FSTL5: variants seen among roughly 807,000 people sequenced by gnomAD.
FSTL5 encodes follistatin-related protein 5.
A neutral mutation model predicts 89.1 loss-of-function variants in FSTL5; 62 were observed. The ratio of observed to expected loss-of-function variants is 0.70; its 90% CI spans 0.57 to 0.86. FSTL5 has a LOEUF of 0.86. Ranked by LOEUF, FSTL5 falls within the 40% of genes least tolerant of loss-of-function variation. FSTL5 has a pLI of 0.00. For missense variants in FSTL5, 1,057 were observed against 1,001.6 expected (o/e 1.06, Z -0.75); for synonymous variants, 383 against 346.2 (o/e 1.11, Z -1.18).
intron 10 of FSTL5, among the ~76,000 whole-genome samples, chr4:161,521,934 T>C (rs1247093219): frequency 6.6e-6 from 1 of 152,012 alleles, no homozygotes; most frequent in Non-Finnish European, 1.5e-5. Flanking sequence ...TCTTGTCTTC[T>C]TTCTTTGAAA....
chr4:161,921,262 T>A (rs1466245716), intron 3 of FSTL5, among the ~76,000 whole-genome samples: 4 of 152,180 alleles, frequency 2.6e-5, no homozygotes, highest in African/African-American at 9.6e-5. Context: ...TTTTGACCTT[T>A]GCCACCTGAC....
At chr4:162,110,688 GTATT>G (rs1338092714) in intron 2 of FSTL5, among the ~76,000 whole-genome samples, 1 of 151,314 alleles carries the variant, frequency 6.6e-6, no homozygotes, top group Non-Finnish European at 1.5e-5. Context: ...TTTATTATAA[GTATT>G]TAATGTTTAT....
intron 3 of FSTL5, among the ~76,000 whole-genome samples, chr4:161,969,985 G>T (rs998185998): frequency 2.0e-5 from 3 of 152,196 alleles, no homozygotes. Context: ...AGCTAAAGAG[G>T]TTGGTGAGGA....
intron 2 of FSTL5, among the ~76,000 whole-genome samples, chr4:162,097,129 T>C (rs1189213088): frequency 6.6e-6 from 1 of 151,870 alleles, no homozygotes; most frequent in Non-Finnish European, 1.5e-5. Flanking sequence ...TCATTTCTAG[T>C]TTGTGTATAT....
chr4:161,744,202 C>T lies in FSTL5; in HGVS notation c.727+15209G>A, dbSNP rs948358381. 6.6e-5 allele frequency among the ~76,000 whole-genome samples: 10 copies of T among 152,008 alleles called. No individual in the cohort carries two copies. The East Asian group carries it at 9.7e-4, about 15-fold the overall frequency. ...ATAAGGAATGAGCACATCACTATGA[C>T]GACTTTTTTGGACAGTAACATTCTC... On this transcript the variant is annotated intron_variant, in intron 6 of 15. Transcript: ENST00000306100.
At chr4:161,641,394 T>A (rs957151292) in intron 7 of FSTL5, among the ~76,000 whole-genome samples, 2 of 151,436 alleles carry the variant, frequency 1.3e-5, no homozygotes. Flanking sequence ...TGTAAAAAGA[T>A]GTAATTTTAT....
intron 7 of FSTL5, among the ~76,000 whole-genome samples, chr4:161,617,342 C>T (rs1408632797): frequency 1.3e-5 from 2 of 151,618 alleles, no homozygotes; most frequent in Non-Finnish European, 1.5e-5. Context: ...ATTATTCTTA[C>T]AAAGAGAAAA....
intron 2 of FSTL5, among the ~76,000 whole-genome samples, chr4:162,088,693 T>C (rs1033858388): frequency 3.0e-4 from 46 of 152,102 alleles, no homozygotes; most frequent in Non-Finnish European, 4.4e-4. Context: ...TTTAATTTTG[T>C]AGAAAAAAGT....
chr4:161,905,457 C>G (rs745759193), intron 4 of FSTL5, among the ~76,000 whole-genome samples: 53 of 151,972 alleles, frequency 3.5e-4, no homozygotes, highest in Admixed American at 3.5e-3. Flanking sequence ...AAGCTGATGA[C>G]GAGCCACTTT....
intron 2 of FSTL5, among the ~76,000 whole-genome samples, chr4:162,066,314 C>CTTCTTCTT (rs1553996285): frequency 7.9e-5 from 4 of 50,718 alleles, no homozygotes; most frequent in Admixed American, 2.6e-4. Flanking sequence ...TCTTCTTCTT[C>CTTCTTCTT]TTCTTCTTCT....
chr4:161,515,141 T>C (rs1195237767), intron 10 of FSTL5, among the ~76,000 whole-genome samples: 1 of 151,956 alleles, frequency 6.6e-6, no homozygotes, highest in Admixed American at 6.6e-5. Context: ...AGAATGTACA[T>C]TAAATTAAAA....
intron 8 of FSTL5, among the ~76,000 whole-genome samples, chr4:161,569,758 A>AACACAC (rs56387876): frequency 3.5e-4 from 47 of 134,422 alleles, no homozygotes; most frequent in African/African-American, 1.1e-3. Flanking sequence ...CCAACACACA[A>AACACAC]ACACACACAC....
At chr4:162,155,836 G>GA (rs754005185) in intron 1 of FSTL5, among the ~76,000 whole-genome samples, 260 of 152,302 alleles carry the variant, frequency 1.7e-3, no homozygotes, top group Non-Finnish European at 3.2e-3. Context: ...TCACATATCA[G>GA]AAAATGGAAA....
At chr4:162,045,577 A>G (rs1269640051) in intron 2 of FSTL5, among the ~76,000 whole-genome samples, 1 of 152,152 alleles carries the variant, frequency 6.6e-6, no homozygotes, top group Non-Finnish European at 1.5e-5. Context: ...AATAATGAAA[A>G]AGTTCAAAAT....
intron 8 of FSTL5, among the ~76,000 whole-genome samples, chr4:161,568,533 T>C (rs895701047): frequency 1.1e-4 from 16 of 152,288 alleles, no homozygotes; most frequent in Non-Finnish European, 1.5e-4. Context: ...TGTTATCCTA[T>C]TGGGTAAGTT....
chr4:162,150,842 C>A (rs1475150108), intron 1 of FSTL5, among the ~76,000 whole-genome samples: 2 of 152,078 alleles, frequency 1.3e-5, no homozygotes, highest in African/African-American at 4.8e-5. Flanking sequence ...AACTGAATTT[C>A]AAATATACGT....
At chr4:161,706,799 G>T (rs560426187) in intron 6 of FSTL5, among the ~76,000 whole-genome samples, 7 of 152,112 alleles carry the variant, frequency 4.6e-5, no homozygotes, top group Admixed American at 4.6e-4. Flanking sequence ...CCAGATTGTT[G>T]AAATTGATTA....
chr4:161,940,607 A>C lies in FSTL5; in HGVS notation c.161-19955T>G, dbSNP rs148073157. Reference sequence around the variant, plus strand: ...AACACAGAGGCCAGAGGTAGTTGGAAGATAAGTTTAACATGCTGATATAAA... The same window carrying C: ...AACACAGAGGCCAGAGGTAGTTGGACGATAAGTTTAACATGCTGATATAAA... On this transcript the variant is annotated intron_variant, in intron 3 of 15. Transcript: ENST00000306100. Among the ~76,000 whole-genome samples the C allele has an allele frequency of 8.2e-3, 1,248 of 152,016 alleles. 8 individuals carry two copies. Among genetic ancestry groups the C allele is most frequent in the Middle Eastern group, 0.027 (8 of 294 alleles).
chr4:161,481,073 G>T lies in FSTL5; in HGVS notation c.1555C>A (p.Pro519Thr), dbSNP rs538974134. The change falls in exon 13 of 16, where the codon CCA becomes ACA. Residue 519 changes from proline to threonine, a missense_variant. By Grantham distance (38) the Pro-to-Thr change is conservative. Transcript: ENST00000306100. ...ACAATAAGGACTCTGTCCAAAGTTG[G>T]CTGTGCAACATAAATGAACTTGTCT... ...VKDKFIYVAQ[P>T]TLDRVLIVDV... The T allele has an allele frequency of 1.9e-6, 3 of 1,612,944 alleles. No individual in the cohort carries two copies. In the African/African-American group the frequency reaches 4.0e-5, roughly 22 times the overall value.
Sources: allele counts gnomAD v4.1 joint callset (sites outside exome capture counted in the v4.1 genomes callset), GRCh38; gene constraint gnomAD v4.1.1; transcripts MANE v1.5; gene names NCBI Gene and HGNC (gene_info 2026-07-23, HGNC 2026-07-21).